ZNF385D: variants seen among roughly 807,000 people sequenced by gnomAD.
ZNF385D encodes zinc finger protein 659.
In ZNF385D, 15 loss-of-function variants were observed where a neutral mutation model predicts 35.8. The ratio of observed to expected loss-of-function variants is 0.42; its 90% CI spans 0.28 to 0.64. The LOEUF (loss-of-function observed/expected upper bound fraction) is 0.64, where lower values mean the gene tolerates loss of function less well. ZNF385D is among the 30% of genes least tolerant of loss of function. ZNF385D has a pLI of 0.23. For missense variants in ZNF385D, 474 were observed against 494.6 expected (o/e 0.96, Z 0.39); for synonymous variants, 212 against 186.8 (o/e 1.13, Z -1.10).
intron 2 of ZNF385D, among the ~76,000 whole-genome samples, chr3:22,355,828 A>G (rs931697229): frequency 6.6e-6 from 1 of 151,990 alleles, no homozygotes; most frequent in Non-Finnish European, 1.5e-5. Flanking sequence ...GTATACAACC[A>G]TATCACAAAT....
intron 3 of ZNF385D, among the ~76,000 whole-genome samples, chr3:22,136,616 CA>C (rs1704131872): frequency 6.6e-6 from 1 of 151,996 alleles, no homozygotes; most frequent in African/African-American, 2.4e-5. Flanking sequence ...GACATTTGAT[CA>C]AAAAAGATAT....
At chr3:21,480,726 T>C (rs900153495) in intron 4 of ZNF385D, among the ~76,000 whole-genome samples, 4 of 152,196 alleles carry the variant, frequency 2.6e-5, no homozygotes, top group Admixed American at 6.6e-5. Flanking sequence ...GTAAGCTCAG[T>C]CCATGAATAT....
intron 2 of ZNF385D, among the ~76,000 whole-genome samples, chr3:22,223,790 T>C (rs979281826): frequency 6.6e-6 from 1 of 152,172 alleles, no homozygotes; most frequent in Non-Finnish European, 1.5e-5. Flanking sequence ...CCATAATGAT[T>C]TCCGACATTA....
intron 2 of ZNF385D, among the ~76,000 whole-genome samples, chr3:22,363,009 A>G (rs566146438): frequency 6.6e-6 from 1 of 152,300 alleles, no homozygotes; most frequent in African/African-American, 2.4e-5. Flanking sequence ...GAGATCAGCA[A>G]AGAACTGAAT....
chr3:21,853,141 G>T lies in ZNF385D; in HGVS notation c.326-188113C>A, dbSNP rs570154688. On this transcript the variant is annotated intron_variant, in intron 3 of 5. Transcript: ENST00000494108. ...CATATAGCAAAAAGATACATTTAGA[G>T]TAGGGTTTAAAAAAACAGCAAATAT... Among the ~76,000 whole-genome samples the T allele has an allele frequency of 4.0e-5, 6 of 150,424 alleles. No homozygotes were observed. The East Asian group carries it at 1.2e-3, about 31-fold the overall frequency.
intron 1 of ZNF385D, among the ~76,000 whole-genome samples, chr3:21,749,154 G>C (rs2069930361): frequency 6.6e-6 from 1 of 152,136 alleles, no homozygotes. Context: ...AAGTAAGTAG[G>C]ACATCACATT....
At chr3:21,787,977 A>G (rs1302610233) in intron 3 of ZNF385D, among the ~76,000 whole-genome samples, 1 of 93,732 alleles carries the variant, frequency 1.1e-5, no homozygotes, top group Non-Finnish European at 2.3e-5. Flanking sequence ...AAAAAAAAAA[A>G]AAAAAGAGAG....
rs146102653 is a variant in ZNF385D, at chr3:22,251,020, C to T, written c.107-81985G>A. ...TGGAATCAGGACAACACCAATCAAT[C>T]GCCCTTACCTCAGAAAAATAAAAAC... On this transcript the variant is annotated intron_variant, in intron 2 of 5. Coordinates refer to the ZNF385D transcript ENST00000494108. Among the ~76,000 whole-genome samples, 499 of 152,134 alleles carry T rather than the reference C, an allele frequency of 3.3e-3. 5 individuals carry two copies. Among genetic ancestry groups the T allele is most frequent in the African/African-American group, 0.011 (449 of 41,528 alleles).
At chr3:21,690,484 G>T (rs977117548) in intron 1 of ZNF385D, among the ~76,000 whole-genome samples, 1 of 152,106 alleles carries the variant, frequency 6.6e-6, no homozygotes, top group African/African-American at 2.4e-5. Context: ...CATAAGCTGA[G>T]CCCCACCCAA....
chr3:22,047,214 T>A (rs1291201690), intron 3 of ZNF385D, among the ~76,000 whole-genome samples: 2 of 152,124 alleles, frequency 1.3e-5, no homozygotes, highest in Non-Finnish European at 2.9e-5. Flanking sequence ...ATGCATTAGT[T>A]TGATCATGCA....
chr3:21,469,377 G>A (rs1450574325), intron 4 of ZNF385D, among the ~76,000 whole-genome samples: 2 of 152,140 alleles, frequency 1.3e-5, no homozygotes, highest in Non-Finnish European at 2.9e-5. Flanking sequence ...GCCTCCAGCT[G>A]ACCTCATACG....
chr3:22,317,280 CAAAAAAAAAA>C (rs59675675), intron 2 of ZNF385D, among the ~76,000 whole-genome samples: 18 of 26,110 alleles, frequency 6.9e-4, no homozygotes, highest in South Asian at 1.8e-3. Flanking sequence ...ACTCCATCTC[CAAAAAAAAAA>C]AAAAAAAAAA....
chr3:21,769,193 T>A (rs1470016168), intron 3 of ZNF385D, among the ~76,000 whole-genome samples: 4 of 151,908 alleles, frequency 2.6e-5, no homozygotes, highest in Non-Finnish European at 5.9e-5. Flanking sequence ...ATGCCCTCTC[T>A]CTCCACTCCT....
At chr3:21,752,025 C>CCA (rs370679154), upstream of ZNF385D, among the ~76,000 whole-genome samples, 10 of 127,004 alleles carry the variant, frequency 7.9e-5, no homozygotes, top group South Asian at 1.1e-3. Flanking sequence ...CCCCCCCCCA[C>CCA]CACACACACA....
intron 3 of ZNF385D, among the ~76,000 whole-genome samples, chr3:22,025,157 G>C (rs1439989359): frequency 1.3e-5 from 2 of 152,092 alleles, no homozygotes; most frequent in Admixed American, 1.3e-4. Flanking sequence ...AGAAGGAACA[G>C]CTTCCCCATC....
chr3:21,973,284 ATATCT>A, intron 3 of ZNF385D, among the ~76,000 whole-genome samples: 1 of 152,058 alleles, frequency 6.6e-6, no homozygotes, highest in East Asian at 1.9e-4. Flanking sequence ...AATCAATGTG[ATATCT>A]TATATCAGTA....
At chr3:22,131,888 T>G (rs763415215) in intron 3 of ZNF385D, among the ~76,000 whole-genome samples, 1 of 152,148 alleles carries the variant, frequency 6.6e-6, no homozygotes, top group Non-Finnish European at 1.5e-5. Flanking sequence ...ATGATTATTT[T>G]GTAGCATTAA....
intron 3 of ZNF385D, among the ~76,000 whole-genome samples, chr3:21,760,271 C>T (rs2070542624): frequency 6.6e-6 from 1 of 152,142 alleles, no homozygotes; most frequent in African/African-American, 2.4e-5. Context: ...TTAACTGCAG[C>T]GTTACCCAAA....
At chr3:21,966,250 C>G (rs1042800176) in intron 3 of ZNF385D, among the ~76,000 whole-genome samples, 2 of 152,034 alleles carry the variant, frequency 1.3e-5, no homozygotes, top group Admixed American at 1.3e-4. Flanking sequence ...GAAAAACATC[C>G]CCTAACATCT....
Sources: gnomAD v4.1 joint callset for allele counts (sites outside exome capture counted in the v4.1 genomes callset) on GRCh38, gnomAD v4.1.1 for gene constraint, MANE v1.5 for transcripts, NCBI Gene and HGNC (gene_info 2026-07-23, HGNC 2026-07-21) for gene names.